The following USP7 variants were observed in gnomAD, a reference collection of about 807,000 sequenced individuals.
The protein encoded by USP7 is ubiquitin specific peptidase 7, also known as ubiquitin C-terminal hydrolase 7.
A neutral mutation model predicts 162.9 loss-of-function variants in USP7; 9 were observed. The ratio of observed to expected loss-of-function variants is 0.06; its 90% CI spans 0.03 to 0.10. USP7 has a LOEUF of 0.10. Ranked by LOEUF, USP7 falls within the 10% of genes least tolerant of loss-of-function variation. The pLI is 1.00. For synonymous variants in USP7, 562 were observed against 475.9 expected, an observed-to-expected ratio of 1.18 and a Z score of -2.35; for missense variants, 715 against 1,373.7, an observed-to-expected ratio of 0.52 and a Z score of 7.58.
chr16:8,907,072 G>A (rs921954888), intron 12 of USP7, among the ~76,000 whole-genome samples: 1 of 152,174 alleles, frequency 6.6e-6, no homozygotes, highest in Non-Finnish European at 1.5e-5. Context: ...GGTGGGGGCT[G>A]GTCTCAAGCA....
chr16:8,901,115 C>G (rs2061767371), intron 19 of USP7, 27 bp downstream of exon 19: 1 of 1,612,882 alleles, frequency 6.2e-7, no homozygotes, highest in Non-Finnish European at 8.5e-7. Flanking sequence ...AAAATCTACT[C>G]AGAAGGTAAG....
Position 8,901,192 on chromosome 16 carries a change from C to G in USP7, c.2090G>C (p.Arg697Pro). Reference sequence around the variant, plus strand: ...GATATGCCCACAGTAATTCAAGCTCCGCGTTTTGGGATCATACATCTTCAA... The same window carrying G: ...GATATGCCCACAGTAATTCAAGCTCGGCGTTTTGGGATCATACATCTTCAA... ...LFLKMYDPKT[R>P]SLNYCGHIYT... is the part of the protein sequence containing the mutation. The change falls in exon 19 of 31, where the codon CGG becomes CCG. Residue 697 changes from arginine (R) to proline (P), a missense_variant. Arg to Pro is a moderately radical substitution (Grantham distance 103, BLOSUM62 -2). Coordinates refer to ENST00000344836, the MANE Select transcript of USP7 (RefSeq NM_003470.3). 6.2e-7 allele frequency: 1 copy of G among 1,612,676 alleles called. No homozygotes were observed. Among genetic ancestry groups the G allele is most frequent in the East Asian group, 2.2e-5 (1 of 44,812 alleles).
chr16:8,898,467 T>A, intron 24 of USP7, 30 bp from the exon 25 acceptor site: 4 of 1,607,594 alleles, frequency 2.5e-6, no homozygotes, highest in Non-Finnish European at 2.5e-6. Context: ...TCACATCAGA[T>A]ACCGTCACCA....
At chr16:8,905,360 C>T in intron 13 of USP7, 29 bp from the exon 14 acceptor site, 3 of 1,607,716 alleles carry the variant, frequency 1.9e-6, no homozygotes, top group Admixed American at 1.7e-5. Flanking sequence ...ACACCAGCAG[C>T]GATCAAGCAC....
intron 1 of USP7, among the ~76,000 whole-genome samples, chr16:8,943,961 T>A (rs1160750831): frequency 6.6e-6 from 1 of 152,162 alleles, no homozygotes; most frequent in Non-Finnish European, 1.5e-5. Flanking sequence ...ATAATTGGGT[T>A]TTAAAGCAAA....
At chr16:8,936,117 C>G (rs1310045082) in intron 1 of USP7, among the ~76,000 whole-genome samples, 1 of 152,196 alleles carries the variant, frequency 6.6e-6, no homozygotes, top group Non-Finnish European at 1.5e-5. Flanking sequence ...TGTCCTGCCA[C>G]CAGGTGGTGC....
At chr16:8,901,418 G>A (rs923452351) in intron 18 of USP7, among the ~76,000 whole-genome samples, 184 bp from the exon 19 acceptor site, 43 of 152,050 alleles carry the variant, frequency 2.8e-4, no homozygotes, top group African/African-American at 9.4e-4. Flanking sequence ...TCACGAAGCT[G>A]AGGCTATTAC....
chr16:8,916,589 A>AC (rs57510291), intron 7 of USP7, 33 bp from the exon 8 acceptor site: 1,586,736 of 1,592,874 alleles, frequency 1, 790,519 homozygotes, highest in East Asian at 1. Flanking sequence ...CTCCATTTAA[A>AC]GCTCAACTTT....
chr16:8,905,595 T>C (rs1334138992), intron 13 of USP7, among the ~76,000 whole-genome samples: 3 of 152,260 alleles, frequency 2.0e-5, no homozygotes, highest in Admixed American at 2.0e-4. Context: ...CCAATGGCAA[T>C]TTTTATAATC....
At chr16:8,908,246 G>A in intron 12 of USP7, 95 bp downstream of exon 12, 2 of 979,452 alleles carry the variant, frequency 2.0e-6, no homozygotes, top group South Asian at 1.4e-5. Flanking sequence ...ATCAGATGTG[G>A]GACTGAAAAT....
At chr16:8,911,226 G>A (rs529579475) in intron 10 of USP7, among the ~76,000 whole-genome samples, 2 of 152,294 alleles carry the variant, frequency 1.3e-5, no homozygotes, top group South Asian at 2.1e-4. Context: ...GGAAAACCTC[G>A]ATTTCCTCAG....
intron 1 of USP7, among the ~76,000 whole-genome samples, chr16:8,942,012 C>A (rs2141250352): frequency 6.6e-6 from 1 of 152,288 alleles, no homozygotes; most frequent in East Asian, 1.9e-4. Flanking sequence ...CACAGAGTGG[C>A]AAATTCTGTG....
chr16:8,937,940 C>T (rs1898841649), intron 1 of USP7, among the ~76,000 whole-genome samples: 1 of 152,124 alleles, frequency 6.6e-6, no homozygotes, highest in African/African-American at 2.4e-5. Context: ...GAAGGAACTA[C>T]CATCTGCTTA....
intron 1 of USP7, among the ~76,000 whole-genome samples, chr16:8,939,469 CAAAT>C (rs1898931640): frequency 1.3e-5 from 2 of 152,190 alleles, no homozygotes. Context: ...AGGAAATTCA[CAAAT>C]AAAGCTGCTA....
At chr16:8,916,248 A>G (rs1281518929) in intron 8 of USP7, among the ~76,000 whole-genome samples, 1 of 152,186 alleles carries the variant, frequency 6.6e-6, no homozygotes, top group African/African-American at 2.4e-5. Context: ...ATATATACCA[A>G]TTTAACAAAT....
intron 20 of USP7, 38 bp from the exon 21 acceptor site, chr16:8,900,668 T>C: frequency 6.8e-7 from 1 of 1,480,080 alleles, no homozygotes; most frequent in South Asian, 1.2e-5. Context: ...ACTGCAAGTT[T>C]GTCTAACGTT....
At chr16:8,895,814 G>T (rs953515458) in intron 26 of USP7, 73 bp from the exon 27 acceptor site, 16 of 1,011,660 alleles carry the variant, frequency 1.6e-5, no homozygotes, top group Non-Finnish European at 1.6e-5. Context: ...TGGTTTTCTA[G>T]AAAGAAATAA....
intron 3 of USP7, 28 bp from the exon 4 acceptor site, chr16:8,921,323 G>A: frequency 6.2e-7 from 1 of 1,604,538 alleles, no homozygotes; most frequent in Non-Finnish European, 8.5e-7. Context: ...CTGAGCCTTA[G>A]TTGACATTAT....
chr16:8,956,521 T>A (rs1041563121), intron 1 of USP7: 2 of 152,194 alleles, frequency 1.3e-5, no homozygotes, highest in Non-Finnish European at 2.9e-5. Flanking sequence ...TCCCAACACT[T>A]TGGGAGGCGG....
Sources: allele counts gnomAD v4.1 joint callset (sites outside exome capture counted in the v4.1 genomes callset), GRCh38; gene constraint gnomAD v4.1.1; transcripts MANE v1.5; gene names NCBI Gene and HGNC (gene_info 2026-07-23, HGNC 2026-07-21).